The following PCDHGA4 variants were observed in gnomAD, a reference collection of about 807,000 sequenced individuals.
PCDHGA4 encodes the protein protocadherin gamma-A4.
In PCDHGA4, 38 loss-of-function variants were observed where a neutral mutation model predicts 54.6. The ratio of observed to expected loss-of-function variants is 0.70; its 90% CI spans 0.54 to 0.91. The LOEUF (loss-of-function observed/expected upper bound fraction) is 0.91, where lower values mean the gene tolerates loss of function less well. Among genes scored for constraint, PCDHGA4 ranks in the 40% least tolerant of loss-of-function variants. The pLI, the probability that PCDHGA4 is intolerant of heterozygous loss-of-function variation, is 0.00. For synonymous variants in PCDHGA4, 511 were observed against 512.9 expected (o/e 1.00, Z 0.05); for missense variants, 1,298 against 1,220.9 (o/e 1.06, Z -0.94).
chr5:141,365,800 C>A, intron 1 of PCDHGA4: 1 of 1,613,914 alleles, frequency 6.2e-7, no homozygotes, highest in Middle Eastern at 1.6e-4. Flanking sequence ...TCACCTACTC[C>A]CTGGCTGAAG....
chr5:141,409,849 C>A (rs772503820), intron 1 of PCDHGA4: 1 of 1,612,106 alleles, frequency 6.2e-7, no homozygotes, highest in South Asian at 1.1e-5. Context: ...TGAGCCTGCG[C>A]GTGTTGGTGG....
rs566565641 is a variant in PCDHGA4, at chr5:141,367,114, T to C, written c.2514+9493T>C. The C allele has an allele frequency of 8.2e-5, 18 of 220,652 alleles. 1 individual carries two copies. Among genetic ancestry groups the C allele is most frequent in the Non-Finnish European group, 1.4e-4 (16 of 111,388 alleles). 13.7% of individuals were successfully genotyped at this position (220,652 alleles called of 1,614,324 possible). A position where few individuals can be genotyped will look rare whatever the true frequency, so the allele number is the denominator to read the frequency against. ...CTTTTGAGTGTCTGCCTAGACACCA[T>C]TAGTGAATGTGTTTTGGAAAGGATA... On this transcript the variant is annotated intron_variant, in intron 1 of 3. Coordinates refer to ENST00000571252, the MANE Select transcript of PCDHGA4 (RefSeq NM_018917.4).
intron 1 of PCDHGA4, among the ~76,000 whole-genome samples, chr5:141,434,195 T>C (rs1561872734): frequency 6.6e-6 from 1 of 151,916 alleles, no homozygotes; most frequent in Non-Finnish European, 1.5e-5. Flanking sequence ...AATTCCAATG[T>C]ACTTACTTCT....
Position 141,357,273 on chromosome 5 carries a change from C to CT in PCDHGA4, c.2167dup (p.Tyr723LeufsTer37), listed in dbSNP as rs1760531497. On this transcript the variant is annotated frameshift_variant, in exon 1 of 4. Transcript: ENST00000571252. LOFTEE classifies it high-confidence loss of function. The stretch of plus-strand genomic sequence containing the variant: ...ACCCAGACGACTCGGGCCTCACACT[C>CT]TATCTCGTGGTGGCAGTGGCCGCTG... 1 of 1,613,734 alleles carries CT rather than the reference C, an allele frequency of 6.2e-7. No individual in the cohort carries two copies. The highest frequency in any genetic ancestry group is 1.1e-5 in the South Asian group (1 of 91,078).
intron 1 of PCDHGA4, among the ~76,000 whole-genome samples, chr5:141,438,655 T>G (rs1436221152): frequency 7.1e-6 from 1 of 140,042 alleles, no homozygotes; most frequent in East Asian, 2.1e-4. Flanking sequence ...CACACACATA[T>G]ATGTATATAT....
intron 1 of PCDHGA4, among the ~76,000 whole-genome samples, chr5:141,458,449 A>G (rs1483902182): frequency 6.6e-6 from 1 of 152,086 alleles, no homozygotes; most frequent in Non-Finnish European, 1.5e-5. Context: ...CCACATTAAC[A>G]ATTTTTAAAA....
At chr5:141,371,572 A>C (rs913644689) in intron 1 of PCDHGA4, 1 of 1,613,960 alleles carries the variant, frequency 6.2e-7, no homozygotes, top group Middle Eastern at 1.6e-4. Context: ...TTCCCCTTTA[A>C]AATCGTTCAA....
rs776718024 is a variant in PCDHGA4 at position 141,486,333 on chromosome 5, T to C, written c.2515-8474T>C. 8.1e-6 allele frequency: 13 copies of C among 1,614,080 alleles called. No individual in the cohort carries two copies. Among genetic ancestry groups the C allele is most frequent in the Non-Finnish European group, 1.1e-5 (13 of 1,179,998 alleles). On this transcript the variant is annotated intron_variant, in intron 1 of 3. Coordinates refer to ENST00000571252, the MANE Select transcript of PCDHGA4 (RefSeq NM_018917.4). The surrounding 1 kb of genome is among the most constrained non-coding windows in gnomAD (Gnocchi z 5.0). ...TCAGGGTCAAACGGAGATGTGAGCC[T>C]CCGCATTCCTGACCACTTGCCATTT...
chr5:141,364,417 G>T, intron 1 of PCDHGA4: 1 of 1,613,362 alleles, frequency 6.2e-7, no homozygotes, highest in Non-Finnish European at 8.5e-7. Flanking sequence ...CAGGATCCGG[G>T]CAGATCCGCT....
chr5:141,356,860 G>T lies in PCDHGA4; in HGVS notation c.1753G>T (p.Asp585Tyr). Residue 585 changes from aspartate to tyrosine, a missense_variant, in exon 1 of 4, where the codon GAC becomes TAC. Physicochemically the swap from Asp to Tyr is radical, Grantham distance 160 (BLOSUM62 -3). Coordinates refer to ENST00000571252, the MANE Select transcript of PCDHGA4 (RefSeq NM_018917.4). ...SNVSLSLFVL[D>Y]QNDNVPEILY... ...TGTGTCACTGAGCCTCTTTGTGCTG[G>T]ACCAGAACGACAATGTCCCTGAGAT... 6.2e-7 allele frequency: 1 copy of T among 1,614,170 alleles called. No homozygotes were observed. The highest frequency in any genetic ancestry group is 8.5e-7 in the Non-Finnish European group (1 of 1,180,026).
intron 1 of PCDHGA4, chr5:141,423,380 G>A: frequency 6.2e-7 from 1 of 1,614,178 alleles, no homozygotes; most frequent in Non-Finnish European, 8.5e-7. Context: ...CTCAGGCTGT[G>A]GCGCTGGCAT....
intron 1 of PCDHGA4, among the ~76,000 whole-genome samples, chr5:141,433,837 C>CAAAAAAAA (rs56191208): frequency 1.9e-4 from 21 of 111,692 alleles, no homozygotes; most frequent in Admixed American, 5.9e-4. Context: ...AACTCTATCT[C>CAAAAAAAA]AAAAAAAAAA....
At position 141,431,321 on chromosome 5, in the gene PCDHGA4, G is replaced by T. The variant is rs112186927; in HGVS notation, c.2515-63486G>T. 1,258 of 1,614,054 alleles carry T rather than the reference G, an allele frequency of 7.8e-4. 11 individuals are homozygous for T. In the African/African-American group the frequency reaches 0.014, roughly 18 times the overall value. Reference sequence around the variant, plus strand: ...CCTCATCGTGCAAAATGGAGCCGACGGTAGTAAGTACCCCGAATTGGTGCT... The same window carrying T: ...CCTCATCGTGCAAAATGGAGCCGACTGTAGTAAGTACCCCGAATTGGTGCT... On this transcript the variant is annotated intron_variant, in intron 1 of 3. Transcript: ENST00000571252. This position sits in a 1 kb window ranked among gnomAD's most constrained non-coding sequence, Gnocchi z 4.8.
intron 1 of PCDHGA4, chr5:141,441,126 C>T (rs1319809408): frequency 6.6e-6 from 1 of 152,062 alleles, no homozygotes; most frequent in Non-Finnish European, 1.5e-5. Context: ...CAGTTGAGAC[C>T]GAATTTCTAG....
chr5:141,423,564 G>A (rs2096754933), intron 1 of PCDHGA4: 2 of 1,613,444 alleles, frequency 1.2e-6, no homozygotes, highest in Non-Finnish European at 1.7e-6. Context: ...ATGGGGACAC[G>A]CTCATCAGCC....
chr5:141,398,862 C>A (rs771326288), intron 1 of PCDHGA4: 5 of 1,613,966 alleles, frequency 3.1e-6, no homozygotes, highest in Admixed American at 1.7e-5. Flanking sequence ...TCAACCGAGA[C>A]GTGTACAGAG....
At position 141,511,436 on chromosome 5, in the gene PCDHGA4, T is replaced by C. The variant is rs1371734719; in HGVS notation, c.*263T>C. The C allele has an allele frequency of 1.5e-5, 11 of 718,486 alleles. No individual in the cohort carries two copies. The highest frequency in any genetic ancestry group is 2.2e-5 in the Non-Finnish European group (10 of 461,474). The allele number at this position is 718,486 out of a possible 1,614,324, so 44.5% of individuals were successfully genotyped here. The stretch of plus-strand genomic sequence containing the variant: ...ACCCATGGGGGTAGTGGGGTTACTG[T>C]AGACACCAAGAACCATTTGCCACAC... On this transcript the variant is annotated 3_prime_UTR_variant, in exon 4 of 4. Coordinates refer to ENST00000571252, the MANE Select transcript of PCDHGA4 (RefSeq NM_018917.4).
chr5:141,359,973 A>C, intron 1 of PCDHGA4: 1 of 703,560 alleles, frequency 1.4e-6, no homozygotes, highest in Non-Finnish European at 2.1e-6. Flanking sequence ...AGCGTTTGGG[A>C]GCCTCTTAGA....
At chr5:141,388,889 CAT>C in intron 1 of PCDHGA4, 6 of 1,613,954 alleles carry the variant, frequency 3.7e-6, no homozygotes, top group Non-Finnish European at 5.1e-6. Flanking sequence ...AGGTAGAAGT[CAT>C]AGATGAAAAT....
Sources: allele counts gnomAD v4.1 joint callset (sites outside exome capture counted in the v4.1 genomes callset), GRCh38; gene constraint gnomAD v4.1.1; non-coding constraint Gnocchi (gnomAD v3.1); transcripts MANE v1.5; gene names NCBI Gene and HGNC (gene_info 2026-07-23, HGNC 2026-07-21).